The following SLC27A2 variants were observed in gnomAD, a reference collection of about 807,000 sequenced individuals.
The protein encoded by SLC27A2 is solute carrier family 27 member 2.
A neutral mutation model predicts 60.0 loss-of-function variants in SLC27A2; 54 were observed. That is an observed-to-expected ratio of 0.90 (90% CI 0.72 to 1.13). The LOEUF (loss-of-function observed/expected upper bound fraction) is 1.13. Ranked by LOEUF, SLC27A2 falls within the 50% of genes most tolerant of loss-of-function variation. The pLI is 0.00. For missense variants in SLC27A2, 739 were observed against 777.6 expected (o/e 0.95, Z 0.59); for synonymous variants, 297 against 297.6 (o/e 1.00, Z 0.02).
At chr15:50,214,829 C>A (rs2045183348) in intron 4 of SLC27A2, among the ~76,000 whole-genome samples, 1 of 152,020 alleles carries the variant, frequency 6.6e-6, no homozygotes, top group South Asian at 2.1e-4. Flanking sequence ...GTAATAAAAC[C>A]CATCTATAAT....
At position 50,236,324 on chromosome 15, in the gene SLC27A2, T is replaced by C; in HGVS notation, c.*228T>C. ...ACTGTTTGTATTTGCAAACTGAGCT[T>C]GTTGGAGGGAAGGCATTATTTTTTA... On this transcript the variant is annotated 3_prime_UTR_variant, in exon 10 of 10. Transcript: ENST00000267842. 2.5e-6 allele frequency: 1 copy of C among 394,620 alleles called. No individual in the cohort carries two copies. The highest frequency in any genetic ancestry group is 4.5e-6 in the Non-Finnish European group (1 of 224,056). The allele number at this position is 394,620 out of a possible 1,614,324, so 24.4% of individuals were successfully genotyped here.
intron 4 of SLC27A2, among the ~76,000 whole-genome samples, chr15:50,218,046 G>A (rs1054787700): frequency 7.7e-6 from 1 of 130,018 alleles, no homozygotes; most frequent in East Asian, 2.4e-4. Flanking sequence ...AGGGCGAGAG[G>A]CGAGACTCTG....
Position 50,235,044 on chromosome 15 carries a change from AT to A in SLC27A2, c.1687-868del, listed in dbSNP as rs549629690. Among the ~76,000 whole-genome samples the A allele has an allele frequency of 1.5e-3, 224 of 152,078 alleles. 2 individuals carry two copies. Among genetic ancestry groups the A allele is most frequent in the African/African-American group, 5.1e-3 (212 of 41,482 alleles). On this transcript the variant is annotated intron_variant, in intron 9 of 9. Transcript: ENST00000267842. ...AGACTTAACTATCACCGCTAGGAGG[AT>A]TTTTTTTCTTCCTCCAACATTAACC...
intron 1 of SLC27A2, among the ~76,000 whole-genome samples, chr15:50,194,472 C>T (rs2044998355): frequency 6.6e-6 from 1 of 152,042 alleles, no homozygotes; most frequent in Non-Finnish European, 1.5e-5. Flanking sequence ...AGAAAGCACG[C>T]AGGAGTGGGA....
At position 50,182,524 on chromosome 15, in the gene SLC27A2, T is replaced by G. The variant is rs2044864993; in HGVS notation, c.97T>G (p.Phe33Val). Reference protein sequence around the residue: ...CPYFFQDIGYFLKVAAVGRRV... With the variant: ...CPYFFQDIGYVLKVAAVGRRV... ...ATACTTCTTCCAGGACATAGGCTAC[T>G]TCTTGAAGGTGGCCGCCGTGGGCCG... The change falls in exon 1 of 10, where the codon TTC (phenylalanine) becomes GTC (valine). Residue 33 changes from phenylalanine (F) to valine (V), a missense_variant. Transcript: ENST00000267842. The G allele has an allele frequency of 4.3e-6, 7 of 1,612,440 alleles. No individual in the cohort carries two copies. In the South Asian group the frequency reaches 6.6e-5, roughly 15 times the overall value.
intron 4 of SLC27A2, among the ~76,000 whole-genome samples, chr15:50,211,653 A>G (rs2045156536): frequency 6.6e-6 from 1 of 152,216 alleles, no homozygotes; most frequent in Admixed American, 6.5e-5. Flanking sequence ...CTGAAAAATA[A>G]TTCAGGAGGT....
intron 4 of SLC27A2, among the ~76,000 whole-genome samples, chr15:50,219,642 C>T (rs1295100366): frequency 6.6e-6 from 1 of 152,126 alleles, no homozygotes; most frequent in African/African-American, 2.4e-5. Flanking sequence ...CCTGAGTCTC[C>T]ATTTCCTCAA....
intron 1 of SLC27A2, among the ~76,000 whole-genome samples, chr15:50,186,750 A>T (rs2044927676): frequency 6.6e-6 from 1 of 152,206 alleles, no homozygotes; most frequent in Non-Finnish European, 1.5e-5. Flanking sequence ...TCATTGTCTT[A>T]TAGCTGTATA....
intron 1 of SLC27A2, among the ~76,000 whole-genome samples, chr15:50,189,789 G>A (rs1255133250): frequency 2.0e-5 from 3 of 152,116 alleles, no homozygotes; most frequent in Admixed American, 6.5e-5. Flanking sequence ...GTAGATCATT[G>A]GTAGAAAGAT....
intron 1 of SLC27A2, among the ~76,000 whole-genome samples, chr15:50,188,904 G>A (rs7171600): frequency 0.035 from 5,345 of 152,190 alleles, 123 homozygotes; most frequent in African/African-American, 0.065. Flanking sequence ...AGGTTGCAGT[G>A]AGCCAAGATC....
intron 4 of SLC27A2, among the ~76,000 whole-genome samples, chr15:50,213,605 C>T (rs1392492086): frequency 1.3e-5 from 2 of 151,946 alleles, no homozygotes; most frequent in African/African-American, 4.8e-5. Context: ...AAATTATATC[C>T]AGCACTGTCT....
At chr15:50,190,640 G>A (rs1159772179) in intron 1 of SLC27A2, among the ~76,000 whole-genome samples, 1 of 148,900 alleles carries the variant, frequency 6.7e-6, no homozygotes, top group Non-Finnish European at 1.5e-5. Flanking sequence ...AAAGGCAGGG[G>A]CAGACTTAAT....
intron 2 of SLC27A2, chr15:50,198,524 C>T (rs1324611524): frequency 6.6e-6 from 1 of 152,000 alleles, no homozygotes; most frequent in African/African-American, 2.4e-5. Context: ...CAGGCTGATT[C>T]CACAGCTCAT....
chr15:50,207,907 C>A (rs2045125602), intron 4 of SLC27A2, among the ~76,000 whole-genome samples: 1 of 144,408 alleles, frequency 6.9e-6, no homozygotes, highest in African/African-American at 2.6e-5. Flanking sequence ...GTAGAAAGTA[C>A]AGATTGTATG....
chr15:50,219,886 G>A (rs576776655), intron 4 of SLC27A2, among the ~76,000 whole-genome samples: 3 of 151,886 alleles, frequency 2.0e-5, no homozygotes, highest in African/African-American at 7.3e-5. Context: ...TTTTTTTCTT[G>A]TTTAAAAAAA....
At chr15:50,196,104 ATATATATATATATATATATATG>A (rs2045020378) in intron 1 of SLC27A2, among the ~76,000 whole-genome samples, 2 of 80,962 alleles carry the variant, frequency 2.5e-5, no homozygotes, top group South Asian at 5.4e-4. Context: ...ATATATATAT[ATATATATATATATATATATATG>A]TATGTACATT....
At chr15:50,190,520 C>A (rs1265139897) in intron 1 of SLC27A2, among the ~76,000 whole-genome samples, 2 of 151,938 alleles carry the variant, frequency 1.3e-5, no homozygotes, top group Non-Finnish European at 2.9e-5. Flanking sequence ...GAGCACCTGA[C>A]ACCTTAGTAA....
chr15:50,205,116 A>C (rs1290741342), intron 3 of SLC27A2, 123 bp from the exon 4 acceptor site: 2 of 1,213,874 alleles, frequency 1.6e-6, no homozygotes, highest in African/African-American at 3.1e-5. Flanking sequence ...TAAGGTACTC[A>C]ATACTTGTTT....
chr15:50,208,719 G>A (rs948201796), intron 4 of SLC27A2, among the ~76,000 whole-genome samples: 14 of 152,200 alleles, frequency 9.2e-5, no homozygotes, highest in African/African-American at 3.1e-4. Context: ...TTGAGTAGGG[G>A]ATGGGATAGC....
Sources: allele counts gnomAD v4.1 joint callset (sites outside exome capture counted in the v4.1 genomes callset), GRCh38; gene constraint gnomAD v4.1.1; transcripts MANE v1.5; gene names NCBI Gene and HGNC (gene_info 2026-07-23, HGNC 2026-07-21).